VEPH1: variants seen among roughly 807,000 people sequenced by gnomAD.
The protein encoded by VEPH1 is ventricular zone-expressed PH domain-containing protein homolog 1.
A neutral mutation model predicts 85.2 loss-of-function variants in VEPH1; 80 were observed. The ratio of observed to expected loss-of-function variants is 0.94; its 90% CI spans 0.78 to 1.13. The LOEUF is 1.13. VEPH1 is among the 50% of genes most tolerant of loss of function. VEPH1 has a pLI of 0.00. For missense variants in VEPH1, 955 were observed against 980.5 expected, an observed-to-expected ratio of 0.97 and a Z score of 0.35; for synonymous variants, 297 against 348.0, an observed-to-expected ratio of 0.85 and a Z score of 1.63.
chr3:157,455,071 T>C (rs903702402), intron 4 of VEPH1, among the ~76,000 whole-genome samples: 1 of 152,170 alleles, frequency 6.6e-6, no homozygotes, highest in Admixed American at 6.5e-5. Context: ...ATGTGTCTTT[T>C]TGGTAGAAGG....
At chr3:157,277,413 C>T (rs781427957) in intron 12 of VEPH1, among the ~76,000 whole-genome samples, 12 of 152,108 alleles carry the variant, frequency 7.9e-5, no homozygotes, top group Non-Finnish European at 1.6e-4. Context: ...GCTTGTGCCC[C>T]GTCTGTGATA....
chr3:157,436,916 C>T, intron 4 of VEPH1: 3 of 1,610,768 alleles, frequency 1.9e-6, no homozygotes, highest in Non-Finnish European at 2.5e-6. Context: ...GTGGAAAGAA[C>T]TTTGCGTCTC....
chr3:157,399,924 T>C (rs1295408227), intron 6 of VEPH1, among the ~76,000 whole-genome samples: 1 of 152,176 alleles, frequency 6.6e-6, no homozygotes, highest in African/African-American at 2.4e-5. Flanking sequence ...CAAAAGTCAC[T>C]TTCTTCAATT....
At chr3:157,318,812 A>G (rs1721071815) in intron 9 of VEPH1, among the ~76,000 whole-genome samples, 1 of 152,104 alleles carries the variant, frequency 6.6e-6, no homozygotes, top group Non-Finnish European at 1.5e-5. Context: ...CTTGGGAGGC[A>G]GGAGTGGGAG....
intron 2 of VEPH1, among the ~76,000 whole-genome samples, chr3:157,483,074 A>G (rs1027613095): frequency 2.0e-5 from 3 of 151,868 alleles, no homozygotes; most frequent in Non-Finnish European, 4.4e-5. Flanking sequence ...ATTGGCATCC[A>G]TACTAATAAT....
chr3:157,337,006 TA>T (rs1723031872), intron 9 of VEPH1, among the ~76,000 whole-genome samples: 1 of 152,152 alleles, frequency 6.6e-6, no homozygotes, highest in Non-Finnish European at 1.5e-5. Flanking sequence ...TAAGACATAA[TA>T]TAAACATTTT....
Position 157,428,438 on chromosome 3 carries a change from G to A in VEPH1, c.580C>T (p.Gln194Ter), listed in dbSNP as rs927678938. ...TCTGTCAGGTGTCTATTAATTGGCTGAGGCTGCTTTTCATACACAGCAGGT... is the reference window on the plus strand; with the variant it reads ...TCTGTCAGGTGTCTATTAATTGGCTAAGGCTGCTTTTCATACACAGCAGGT... ...VLPAVYEKQPQPINRHLTELL... is the reference protein window; with the variant it reads ...VLPAVYEKQP The change falls in exon 5 of 14, where the codon CAG becomes TAG. Residue 194 changes from glutamine to a stop codon, truncating the protein, a stop_gained. Coordinates refer to ENST00000362010, the MANE Select transcript of VEPH1 (RefSeq NM_001167912.2). LOFTEE classifies it high-confidence loss of function. 1.2e-6 allele frequency: 2 copies of A among 1,614,106 alleles called. No individual in the cohort carries two copies. Among genetic ancestry groups the A allele is most frequent in the Non-Finnish European group, 1.7e-6 (2 of 1,180,010 alleles).
chr3:157,284,484 C>T (rs1203195939), intron 12 of VEPH1, among the ~76,000 whole-genome samples: 1 of 152,110 alleles, frequency 6.6e-6, no homozygotes, highest in African/African-American at 2.4e-5. Context: ...TGCTATGTCT[C>T]ATCTTTAAAC....
chr3:157,479,991 TTC>T (rs1192742807), intron 2 of VEPH1, among the ~76,000 whole-genome samples: 1 of 151,992 alleles, frequency 6.6e-6, no homozygotes, highest in Non-Finnish European at 1.5e-5. Flanking sequence ...TCTTTTCACT[TTC>T]TCTCTTTCTT....
At chr3:157,390,555 T>A (rs563185826) in intron 6 of VEPH1, among the ~76,000 whole-genome samples, 2 of 152,204 alleles carry the variant, frequency 1.3e-5, no homozygotes, top group South Asian at 2.1e-4. Context: ...GATGGCAGAT[T>A]AGAGGATTTT....
intron 6 of VEPH1, among the ~76,000 whole-genome samples, chr3:157,396,228 T>A (rs183850013): frequency 2.6e-5 from 4 of 152,344 alleles, no homozygotes; most frequent in Admixed American, 2.6e-4. Context: ...GATAATGACT[T>A]CCAGCTCCAT....
chr3:157,326,627 A>G (rs867178757), intron 9 of VEPH1, among the ~76,000 whole-genome samples: 11 of 152,348 alleles, frequency 7.2e-5, no homozygotes, highest in Middle Eastern at 3.4e-3. Flanking sequence ...TGGAACAAGT[A>G]AAAGAGAACA....
chr3:157,429,421 G>C (rs887404052), intron 4 of VEPH1, among the ~76,000 whole-genome samples: 1 of 152,102 alleles, frequency 6.6e-6, no homozygotes, highest in East Asian at 1.9e-4. Context: ...AGACAATTTA[G>C]ATATGATCAT....
At chr3:157,421,654 A>G (rs1474834795) in intron 5 of VEPH1, among the ~76,000 whole-genome samples, 1 of 152,130 alleles carries the variant, frequency 6.6e-6, no homozygotes. Flanking sequence ...TGAATCAGGC[A>G]GTTTCTGTAT....
chr3:157,473,367 G>A (rs980312983), intron 2 of VEPH1, among the ~76,000 whole-genome samples: 1 of 151,904 alleles, frequency 6.6e-6, no homozygotes, highest in African/African-American at 2.4e-5. Context: ...CCACCATGTC[G>A]TGCTTTTTGT....
At chr3:157,357,985 A>G (rs1161993530) in intron 9 of VEPH1, among the ~76,000 whole-genome samples, 1 of 152,200 alleles carries the variant, frequency 6.6e-6, no homozygotes, top group African/African-American at 2.4e-5. Flanking sequence ...ATTTGTTGTT[A>G]CACGCCCGAG....
chr3:157,309,969 G>A (rs761839917), intron 11 of VEPH1, among the ~76,000 whole-genome samples: 6 of 151,898 alleles, frequency 4.0e-5, no homozygotes, highest in Non-Finnish European at 8.8e-5. Context: ...TAGTAGAGAC[G>A]GGGTTTCCCC....
chr3:157,302,078 C>G (rs1012500749), intron 11 of VEPH1, among the ~76,000 whole-genome samples: 5 of 148,732 alleles, frequency 3.4e-5, no homozygotes, highest in African/African-American at 1.3e-4. Context: ...ATGCCAGAAA[C>G]TTGACATCAG....
At chr3:157,281,428 T>C (rs1681243233) in intron 12 of VEPH1, among the ~76,000 whole-genome samples, 1 of 152,178 alleles carries the variant, frequency 6.6e-6, no homozygotes, top group Admixed American at 6.5e-5. Context: ...CATTCCGTTG[T>C]TTTTGGTGCT....
Sources: gnomAD v4.1 joint callset for allele counts (sites outside exome capture counted in the v4.1 genomes callset) on GRCh38, gnomAD v4.1.1 for gene constraint, MANE v1.5 for transcripts, NCBI Gene and HGNC (gene_info 2026-07-23, HGNC 2026-07-21) for gene names.